The following RYR3 variants were observed in gnomAD, a reference collection of about 807,000 sequenced individuals.
RYR3 encodes the protein ryanodine receptor 3.
RYR3 carries 207 observed loss-of-function variants against 584.3 expected under a neutral mutation model. The observed-to-expected ratio is 0.35, with a 90% CI of 0.32 to 0.40. The LOEUF (loss-of-function observed/expected upper bound fraction) is 0.40, where lower values mean the gene tolerates loss of function less well. Ranked by LOEUF, RYR3 falls within the 10% of genes least tolerant of loss-of-function variation. RYR3 has a pLI of 1.00. For missense variants in RYR3, 5,616 were observed against 6,089.2 expected (o/e 0.92, Z 2.59); for synonymous variants, 2,416 against 2,248.5 (o/e 1.07, Z -2.11).
intron 38 of RYR3, among the ~76,000 whole-genome samples, chr15:33,681,301 C>G (rs1313925504): frequency 3.9e-5 from 6 of 152,318 alleles, no homozygotes; most frequent in Admixed American, 6.5e-5. Context: ...AGCAAATTAT[C>G]ACAAACTTAA....
chr15:33,585,834 C>T (rs527421926), intron 15 of RYR3, among the ~76,000 whole-genome samples, 164 bp from the exon 16 acceptor site: 3 of 152,110 alleles, frequency 2.0e-5, no homozygotes, highest in South Asian at 2.1e-4. Context: ...TGAAGTCTAC[C>T]GGAAATGATG....
chr15:33,474,593 G>T (rs1432862018), intron 2 of RYR3, among the ~76,000 whole-genome samples: 1 of 152,094 alleles, frequency 6.6e-6, no homozygotes, highest in Non-Finnish European at 1.5e-5. Context: ...CAAAACCTAT[G>T]GTGTCGTTTG....
intron 60 of RYR3, among the ~76,000 whole-genome samples, chr15:33,763,276 A>G (rs1288926472): frequency 6.6e-6 from 1 of 152,250 alleles, no homozygotes; most frequent in East Asian, 1.9e-4. Flanking sequence ...ATGGGGTCTA[A>G]TTAAACCAAA....
intron 1 of RYR3, among the ~76,000 whole-genome samples, chr15:33,458,953 CT>C (rs1596234801): frequency 6.6e-6 from 1 of 152,196 alleles, no homozygotes; most frequent in Non-Finnish European, 1.5e-5. Context: ...TTATTTTCCC[CT>C]GTGATGTCAT....
chr15:33,696,319 A>C lies in RYR3; in HGVS notation c.5962A>C (p.Arg1988=). 2 of 1,613,842 alleles carry C rather than the reference A, an allele frequency of 1.2e-6. No individual in the cohort carries two copies. Among genetic ancestry groups the C allele is most frequent in the Non-Finnish European group, 1.7e-6 (2 of 1,179,858 alleles). ...CCGAATGATGTTCAACCTCCTCCGG[A>C]GGCAGTATGACAGCATTGGGGAGCT... is the stretch of plus-strand genomic sequence containing the variant. The part of the protein sequence containing the change: ...LVRMMFNLLR[R]QYDSIGELLQ... The change falls in exon 39 of 104, where the codon AGG becomes CGG. Residue 1988 remains arginine, a synonymous_variant. Transcript: ENST00000634891.
At chr15:33,534,577 G>C (rs905249117) in intron 5 of RYR3, among the ~76,000 whole-genome samples, 3 of 152,064 alleles carry the variant, frequency 2.0e-5, no homozygotes, top group African/African-American at 7.3e-5. Flanking sequence ...TGAAAATGCT[G>C]ACCAGGATGG....
chr15:33,760,691 C>T (rs2072345007), intron 60 of RYR3, among the ~76,000 whole-genome samples: 3 of 151,878 alleles, frequency 2.0e-5, no homozygotes, highest in South Asian at 4.2e-4. Context: ...ATTAGATCAA[C>T]GAGACAGAAA....
At chr15:33,450,600 GTTC>G (rs2047044880) in intron 1 of RYR3, among the ~76,000 whole-genome samples, 1 of 150,424 alleles carries the variant, frequency 6.6e-6, no homozygotes, top group South Asian at 2.1e-4. Flanking sequence ...TTTTTTGAGG[GTTC>G]TTTTTTTTTT....
At chr15:33,552,737 A>G (rs2056779904) in intron 10 of RYR3, among the ~76,000 whole-genome samples, 1 of 152,178 alleles carries the variant, frequency 6.6e-6, no homozygotes, top group Non-Finnish European at 1.5e-5. Flanking sequence ...AAGCTGCACA[A>G]TAAGGAAGAG....
chr15:33,705,504 A>G (rs976448432), intron 42 of RYR3, among the ~76,000 whole-genome samples: 3 of 152,206 alleles, frequency 2.0e-5, no homozygotes, highest in Non-Finnish European at 4.4e-5. Context: ...TTCTCTGTGT[A>G]TACATAAGAT....
intron 102 of RYR3, among the ~76,000 whole-genome samples, 154 bp from the exon 103 acceptor site, chr15:33,863,984 G>T (rs1889488056): frequency 6.6e-6 from 1 of 152,150 alleles, no homozygotes; most frequent in South Asian, 2.1e-4. Context: ...AGAAAATGAT[G>T]GTTTGTGTCC....
At chr15:33,863,650 T>G (rs967006770) in intron 102 of RYR3, among the ~76,000 whole-genome samples, 1 of 152,096 alleles carries the variant, frequency 6.6e-6, no homozygotes, top group African/African-American at 2.4e-5. Flanking sequence ...CAGCTATTTA[T>G]GATGAAAACA....
At chr15:33,742,524 T>TAAAGG (rs2070252734) in intron 52 of RYR3, 80 bp downstream of exon 52, 12 of 911,064 alleles carry the variant, frequency 1.3e-5, no homozygotes, top group Non-Finnish European at 1.8e-6. Flanking sequence ...CCTGGAAATC[T>TAAAGG]GCCTGATTTG....
At position 33,562,857 on chromosome 15, in the gene RYR3, C is replaced by T. The variant is rs1456880473; in HGVS notation, c.993C>T (p.Asp331=). ...ATTAGGAACTCAAGGAGAAATTAGA[C>T]TCCAGTCACAAGCGAGACATAGAAG... ...RASKELKEKL[D]SSHKRDIEGM... is the part of the protein sequence containing the mutation. The change falls in exon 11 of 104, where the codon GAC becomes GAT. Residue 331 remains aspartate (D), a synonymous_variant. Transcript: ENST00000634891. The T allele has an allele frequency of 1.9e-6, 3 of 1,612,302 alleles. No homozygotes were observed. The highest frequency in any genetic ancestry group is 1.7e-5 in the Admixed American group (1 of 59,924).
chr15:33,500,226 C>T (rs767760387), intron 2 of RYR3, among the ~76,000 whole-genome samples: 6 of 152,196 alleles, frequency 3.9e-5, no homozygotes, highest in Non-Finnish European at 5.9e-5. Flanking sequence ...AACAGTACAA[C>T]GGAGAGAGGT....
chr15:33,786,706 T>C (rs1239033702), intron 66 of RYR3, among the ~76,000 whole-genome samples: 1 of 152,238 alleles, frequency 6.6e-6, no homozygotes, highest in Non-Finnish European at 1.5e-5. Context: ...CTGCTTTTGA[T>C]GGACCTATGA....
intron 67 of RYR3, among the ~76,000 whole-genome samples, chr15:33,795,296 T>C (rs1781582557): frequency 6.6e-6 from 1 of 151,956 alleles, no homozygotes; most frequent in South Asian, 2.1e-4. Flanking sequence ...AGCTGTGGTG[T>C]GCTCAGTGGG....
At chr15:33,578,040 C>A (rs988736671) in intron 12 of RYR3, among the ~76,000 whole-genome samples, 2 of 152,158 alleles carry the variant, frequency 1.3e-5, no homozygotes, top group Non-Finnish European at 2.9e-5. Context: ...TAGAGAAATG[C>A]AAGTCAAAAC....
At chr15:33,438,321 C>G (rs2045916464) in intron 1 of RYR3, among the ~76,000 whole-genome samples, 1 of 152,128 alleles carries the variant, frequency 6.6e-6, no homozygotes, top group Non-Finnish European at 1.5e-5. Flanking sequence ...TCCCCATCCT[C>G]CACCCCCAGG....
Sources: gnomAD v4.1 joint callset for allele counts (sites outside exome capture counted in the v4.1 genomes callset) on GRCh38, gnomAD v4.1.1 for gene constraint, MANE v1.5 for transcripts, NCBI Gene and HGNC (gene_info 2026-07-23, HGNC 2026-07-21) for gene names.